Variants in SPRED2 observed in about 807,000 individuals in gnomAD.
SPRED2 encodes sprouty related EVH1 domain containing 2.
SPRED2 carries 47 observed loss-of-function variants against 43.0 expected under a neutral mutation model. That is an observed-to-expected ratio of 1.09 (90% CI 0.87 to 1.40). SPRED2 has a LOEUF of 1.40. SPRED2 is among the 40% of genes most tolerant of loss of function. SPRED2 has a pLI of 0.00. For synonymous variants in SPRED2, 225 were observed against 225.7 expected (o/e 1.00, Z 0.03); for missense variants, 561 against 586.4 (o/e 0.96, Z 0.45).
At chr2:65,326,828 T>G (rs943276627) in intron 4 of SPRED2, among the ~76,000 whole-genome samples, 8 of 152,058 alleles carry the variant, frequency 5.3e-5, no homozygotes, top group Non-Finnish European at 1.0e-4. Context: ...TGTGAAAAAT[T>G]TTTGTTTCTT....
At chr2:65,324,680 C>T (rs1029164690) in intron 4 of SPRED2, among the ~76,000 whole-genome samples, 18 of 152,140 alleles carry the variant, frequency 1.2e-4, no homozygotes, top group African/African-American at 4.1e-4. Context: ...ATGTAGAAGG[C>T]CACCTCTCTG....
intron 1 of SPRED2, among the ~76,000 whole-genome samples, chr2:65,363,156 T>C (rs1372632096): frequency 2.7e-5 from 4 of 149,056 alleles, no homozygotes; most frequent in Admixed American, 1.3e-4. Context: ...GGAGAATCAC[T>C]TGAACTTGGG....
chr2:65,363,754 A>G (rs1463461985), intron 1 of SPRED2, among the ~76,000 whole-genome samples: 1 of 152,234 alleles, frequency 6.6e-6, no homozygotes, highest in Non-Finnish European at 1.5e-5. Flanking sequence ...CCCTCCAAAT[A>G]CAAATAAGGA....
At chr2:65,322,675 G>A (rs1428123159) in intron 4 of SPRED2, among the ~76,000 whole-genome samples, 1 of 152,036 alleles carries the variant, frequency 6.6e-6, no homozygotes, top group Non-Finnish European at 1.5e-5. Flanking sequence ...AAAAACAGAG[G>A]GGACAGTGTC....
intron 4 of SPRED2, among the ~76,000 whole-genome samples, chr2:65,329,941 G>A (rs871973): frequency 0.038 from 5,795 of 152,140 alleles, 388 homozygotes; most frequent in African/African-American, 0.13. Context: ...AGGTTGGGTC[G>A]GCAATGATCA....
At chr2:65,395,348 A>G (rs1310085345) in intron 1 of SPRED2, among the ~76,000 whole-genome samples, 1 of 152,150 alleles carries the variant, frequency 6.6e-6, no homozygotes, top group Non-Finnish European at 1.5e-5. Flanking sequence ...TGGGGTTGAA[A>G]AAGAAGAGGA....
At chr2:65,384,562 G>A (rs1256617151) in intron 1 of SPRED2, among the ~76,000 whole-genome samples, 1 of 152,208 alleles carries the variant, frequency 6.6e-6, no homozygotes, top group East Asian at 1.9e-4. Flanking sequence ...CTGAGAGCAA[G>A]CCGGTGTGGT....
chr2:65,363,000 G>GTTTTTTTT lies in SPRED2; in HGVS notation c.27-18105_27-18104insAAAAAAAA, dbSNP rs759784526. ...CACTTGCTTTCTCTATGGTCATCAT[G>GTTTTTTTT]TTTTGTTTTTTTTTTTTTTTTTTTT... On this transcript the variant is annotated intron_variant, in intron 1 of 5. Coordinates refer to ENST00000356388, the MANE Select transcript of SPRED2 (RefSeq NM_181784.3). 2.2e-3 allele frequency among the ~76,000 whole-genome samples: 147 copies of GTTTTTTTT among 66,874 alleles called. 11 individuals carry two copies. Among genetic ancestry groups the GTTTTTTTT allele is most frequent in the African/African-American group, 1.0e-2 (142 of 14,212 alleles). The allele number at this position is 66,874 out of a possible 152,430, so 43.9% of individuals were successfully genotyped here. A position where few individuals can be genotyped will look rare whatever the true frequency, so the allele number is the denominator to read the frequency against.
intron 1 of SPRED2, among the ~76,000 whole-genome samples, chr2:65,397,571 C>G (rs1468740113): frequency 6.6e-6 from 1 of 151,926 alleles, no homozygotes; most frequent in Non-Finnish European, 1.5e-5. Context: ...ATGTCCCAAC[C>G]TGACCCTTCA....
chr2:65,430,560 C>T (rs1394278371), intron 1 of SPRED2, among the ~76,000 whole-genome samples: 4 of 152,224 alleles, frequency 2.6e-5, no homozygotes, highest in Admixed American at 2.6e-4. Context: ...CTCCCAGTCG[C>T]CCAGCCCTGA....
chr2:65,431,402 C>T (rs1427253350), intron 1 of SPRED2, among the ~76,000 whole-genome samples: 1 of 151,782 alleles, frequency 6.6e-6, no homozygotes, highest in East Asian at 1.9e-4. Flanking sequence ...GGGACCCTGG[C>T]GCACCAGACC....
intron 1 of SPRED2, among the ~76,000 whole-genome samples, chr2:65,417,921 C>A (rs772203514): frequency 3.3e-5 from 5 of 152,218 alleles, no homozygotes; most frequent in Non-Finnish European, 7.4e-5. Context: ...CAAACAAAAA[C>A]AAAACTTCAC....
chr2:65,328,436 A>G (rs1673709522), intron 4 of SPRED2, among the ~76,000 whole-genome samples: 1 of 152,210 alleles, frequency 6.6e-6, no homozygotes, highest in Non-Finnish European at 1.5e-5. Flanking sequence ...CTGGGACAGC[A>G]GAGTGTGGAA....
At chr2:65,336,069 A>G (rs1483036644) in intron 2 of SPRED2, among the ~76,000 whole-genome samples, 1 of 152,228 alleles carries the variant, frequency 6.6e-6, no homozygotes, top group Non-Finnish European at 1.5e-5. Flanking sequence ...AAGCAAAAAG[A>G]AGGAGGCCAG....
At chr2:65,349,811 C>T (rs936360935) in intron 1 of SPRED2, among the ~76,000 whole-genome samples, 1 of 152,238 alleles carries the variant, frequency 6.6e-6, no homozygotes, top group African/African-American at 2.4e-5. Context: ...CTCGATGCCT[C>T]CTATCAAGTG....
chr2:65,418,076 A>G lies in SPRED2; in HGVS notation c.26+13886T>C, dbSNP rs1042767442. Reference sequence around the variant, plus strand: ...ATATCCAGGCTCACTGCATTTAACTAAAGTCAGAGAGAAAAATCCAGCTGA... The same window carrying G: ...ATATCCAGGCTCACTGCATTTAACTGAAGTCAGAGAGAAAAATCCAGCTGA... On this transcript the variant is annotated intron_variant, in intron 1 of 5. Coordinates refer to ENST00000356388, the MANE Select transcript of SPRED2 (RefSeq NM_181784.3). 4.6e-5 allele frequency among the ~76,000 whole-genome samples: 7 copies of G among 152,198 alleles called. No individual in the cohort carries two copies. In the East Asian group the frequency reaches 1.2e-3, roughly 25 times the overall value.
At chr2:65,400,438 T>C (rs1430160300) in intron 1 of SPRED2, among the ~76,000 whole-genome samples, 2 of 152,172 alleles carry the variant, frequency 1.3e-5, no homozygotes, top group Non-Finnish European at 2.9e-5. Context: ...ATTCTCTCAA[T>C]AGGATCAAAA....
intron 1 of SPRED2, among the ~76,000 whole-genome samples, chr2:65,368,628 G>A (rs879488403): frequency 6.6e-6 from 1 of 152,076 alleles, no homozygotes; most frequent in African/African-American, 2.4e-5. Flanking sequence ...ATGAGAATAA[G>A]GCAAAGATAG....
At chr2:65,417,460 C>T (rs958310412) in intron 1 of SPRED2, among the ~76,000 whole-genome samples, 11 of 152,180 alleles carry the variant, frequency 7.2e-5, no homozygotes, top group African/African-American at 2.7e-4. Flanking sequence ...AGGAGAGCTA[C>T]ACAAGAAGAG....
Sources: allele counts gnomAD v4.1 joint callset (sites outside exome capture counted in the v4.1 genomes callset), GRCh38; gene constraint gnomAD v4.1.1; transcripts MANE v1.5; gene names NCBI Gene and HGNC (gene_info 2026-07-23, HGNC 2026-07-21).